Variants in RBPMS observed in about 807,000 individuals in gnomAD.
The protein encoded by RBPMS is RNA binding protein, mRNA processing factor.
RBPMS carries 7 observed loss-of-function variants against 26.8 expected under a neutral mutation model. The observed-to-expected ratio is 0.26, with a 90% CI of 0.15 to 0.49. The LOEUF (loss-of-function observed/expected upper bound fraction) is 0.49. Ranked by LOEUF, RBPMS falls within the 20% of genes least tolerant of loss-of-function variation. RBPMS has a pLI of 0.98. For missense variants in RBPMS, 186 were observed against 250.0 expected, an observed-to-expected ratio of 0.74 and a Z score of 1.73; for synonymous variants, 96 against 93.3, an observed-to-expected ratio of 1.03 and a Z score of -0.17.
intron 5 of RBPMS, among the ~76,000 whole-genome samples, chr8:30,536,213 C>T (rs1000378346): frequency 2.0e-5 from 3 of 151,774 alleles, no homozygotes; most frequent in South Asian, 4.2e-4. Flanking sequence ...CCGCAACCTC[C>T]GCCTCCCAGG....
intron 5 of RBPMS, among the ~76,000 whole-genome samples, chr8:30,514,566 A>AT (rs1302775568): frequency 5.3e-5 from 8 of 150,014 alleles, no homozygotes; most frequent in Non-Finnish European, 8.9e-5. Context: ...TTTAATTGAG[A>AT]TTGAGTGTCA....
chr8:30,418,183 C>T (rs12550020), intron 1 of RBPMS, among the ~76,000 whole-genome samples: 7,193 of 152,264 alleles, frequency 0.047, 222 homozygotes, highest in South Asian at 0.14. Context: ...TCTACAATTA[C>T]ATCAATTTAT....
intron 1 of RBPMS, among the ~76,000 whole-genome samples, chr8:30,424,903 A>C (rs1811185452): frequency 6.6e-6 from 1 of 152,138 alleles, no homozygotes; most frequent in African/African-American, 2.4e-5. Flanking sequence ...GCGCACACAC[A>C]CACAAATTAG....
intron 1 of RBPMS, among the ~76,000 whole-genome samples, chr8:30,467,365 A>G (rs1015974855): frequency 6.6e-6 from 1 of 152,220 alleles, no homozygotes; most frequent in African/African-American, 2.4e-5. Context: ...TAAAATTTAC[A>G]AGCTGGGCCC....
At chr8:30,566,489 G>A (rs963319654) in intron 8 of RBPMS, 129 bp downstream of exon 8, 12 of 161,610 alleles carry the variant, frequency 7.4e-5, no homozygotes, top group Non-Finnish European at 1.3e-4. Context: ...GATTCTGCCC[G>A]GAGCTCTTTA....
chr8:30,391,140 T>G (rs751220521), intron 1 of RBPMS, among the ~76,000 whole-genome samples: 1 of 152,170 alleles, frequency 6.6e-6, no homozygotes, highest in East Asian at 1.9e-4. Flanking sequence ...ATTAGGAACC[T>G]CCATTTGCGA....
At chr8:30,554,645 G>T (rs1431061101) in intron 6 of RBPMS, among the ~76,000 whole-genome samples, 1 of 152,204 alleles carries the variant, frequency 6.6e-6, no homozygotes, top group African/African-American at 2.4e-5. Flanking sequence ...GCTGGTTACA[G>T]TGTCGTTTAT....
intron 6 of RBPMS, chr8:30,553,809 CCTCT>C (rs1826597653): frequency 6.6e-6 from 1 of 152,158 alleles, no homozygotes; most frequent in African/African-American, 2.4e-5. Flanking sequence ...AGGAAGTCTC[CCTCT>C]GTCACCAGGC....
At chr8:30,515,200 G>A (rs553351123) in intron 5 of RBPMS, among the ~76,000 whole-genome samples, 2 of 152,004 alleles carry the variant, frequency 1.3e-5, no homozygotes, top group Non-Finnish European at 2.9e-5. Flanking sequence ...TCAAGCTCCT[G>A]GTGTCAAGCC....
At chr8:30,434,145 AAAAATAAAG>A in intron 1 of RBPMS, among the ~76,000 whole-genome samples, 1 of 151,254 alleles carries the variant, frequency 6.6e-6, no homozygotes, top group African/African-American at 2.5e-5. Flanking sequence ...AAAATAAAAT[AAAAATAAAG>A]TCCTGGGTCG....
chr8:30,567,174 G>A (rs947031924), intron 8 of RBPMS, among the ~76,000 whole-genome samples: 9 of 152,212 alleles, frequency 5.9e-5, no homozygotes, highest in Non-Finnish European at 1.3e-4. Flanking sequence ...GAAAAAAGAG[G>A]AGTCTGAAAG....
intron 5 of RBPMS, among the ~76,000 whole-genome samples, chr8:30,529,002 G>C (rs901219628): frequency 1.3e-5 from 2 of 151,826 alleles, no homozygotes; most frequent in Non-Finnish European, 2.9e-5. Flanking sequence ...GATCACTTGA[G>C]GTTAGGAGTT....
chr8:30,492,613 T>C (rs1819513331), intron 4 of RBPMS, among the ~76,000 whole-genome samples: 1 of 152,202 alleles, frequency 6.6e-6, no homozygotes, highest in African/African-American at 2.4e-5. Context: ...GTGGCCCTTA[T>C]GAATGAAAGT....
At chr8:30,421,825 C>T (rs1366831136) in intron 1 of RBPMS, among the ~76,000 whole-genome samples, 6 of 152,006 alleles carry the variant, frequency 3.9e-5, no homozygotes, top group Admixed American at 6.6e-5. Context: ...TGTGGTGGCA[C>T]GCACCTATAG....
At chr8:30,526,509 G>A (rs1292153989) in intron 5 of RBPMS, among the ~76,000 whole-genome samples, 1 of 152,204 alleles carries the variant, frequency 6.6e-6, no homozygotes, top group Admixed American at 6.5e-5. Context: ...ACAATCCACT[G>A]AGATAAATTT....
intron 6 of RBPMS, among the ~76,000 whole-genome samples, chr8:30,555,556 A>C (rs1826794995): frequency 6.6e-6 from 1 of 152,118 alleles, no homozygotes; most frequent in Non-Finnish European, 1.5e-5. Context: ...TGAGAGAGAG[A>C]ACTATGGGAG....
chr8:30,523,613 A>T (rs1252411881), intron 5 of RBPMS, among the ~76,000 whole-genome samples: 1 of 151,086 alleles, frequency 6.6e-6, no homozygotes, highest in Non-Finnish European at 1.5e-5. Flanking sequence ...ACAGGGGAAG[A>T]ATTCCTCAAA....
intron 1 of RBPMS, among the ~76,000 whole-genome samples, chr8:30,452,937 A>T (rs1814757861): frequency 6.6e-6 from 1 of 152,220 alleles, no homozygotes; most frequent in Non-Finnish European, 1.5e-5. Context: ...CCTGACTTTC[A>T]GAGCAAATTG....
intron 5 of RBPMS, among the ~76,000 whole-genome samples, chr8:30,538,546 G>A (rs1444405819): frequency 6.6e-6 from 1 of 152,168 alleles, no homozygotes; most frequent in Non-Finnish European, 1.5e-5. Flanking sequence ...ATGAGGCACC[G>A]CGCCCGGCAA....
Sources: gnomAD v4.1 joint callset for allele counts (sites outside exome capture counted in the v4.1 genomes callset) on GRCh38, gnomAD v4.1.1 for gene constraint, MANE v1.5 for transcripts, NCBI Gene and HGNC (gene_info 2026-07-23, HGNC 2026-07-21) for gene names.